Variants in CCR7 observed in about 807,000 individuals in gnomAD.
The protein encoded by CCR7 is C-C motif chemokine receptor 7, also known as C-C chemokine receptor type 7.
In CCR7, 11 loss-of-function variants were observed where a neutral mutation model predicts 26.0. That is an observed-to-expected ratio of 0.42 (90% CI 0.27 to 0.70). The LOEUF (loss-of-function observed/expected upper bound fraction) is 0.70. CCR7 is among the 30% of genes least tolerant of loss of function. The pLI, the probability that CCR7 is intolerant of heterozygous loss-of-function variation, is 0.23. For synonymous variants in CCR7, 189 were observed against 202.1 expected (o/e 0.94, Z 0.55); for missense variants, 360 against 504.0 (o/e 0.71, Z 2.74).
Position 40,558,954 on chromosome 17 carries a change from A to C in CCR7, c.11-12T>G. The C allele has an allele frequency of 6.2e-7, 1 of 1,603,570 alleles. No individual in the cohort carries two copies. The highest frequency in any genetic ancestry group is 8.5e-7 in the Non-Finnish European group (1 of 1,175,612). On this transcript the variant is annotated splice_polypyrimidine_tract_variant and intron_variant, in intron 1 of 2. Transcript: ENST00000246657. ...TTTCATTGGTTTCCCTGTAGGAGAC[A>C]AGGCGAGAAAGTTATTGCTTGGCAG...
intron 1 of CCR7, among the ~76,000 whole-genome samples, chr17:40,563,377 C>T (rs2036673711): frequency 6.6e-6 from 1 of 152,174 alleles, no homozygotes; most frequent in Non-Finnish European, 1.5e-5. Flanking sequence ...GCACACATCT[C>T]TCATGGGTTC....
chr17:40,555,141 G>T lies in CCR7; in HGVS notation c.738C>A (p.Ile246=), dbSNP rs754810267. 5.6e-6 allele frequency: 9 copies of T among 1,614,204 alleles called. No homozygotes were observed. In the Admixed American group the frequency reaches 8.3e-5, roughly 15 times the overall value. ...LLAMSFCYLV[I]IRTLLQARNF... Reference sequence around the variant, plus strand: ...TGCGTGCCTGGAGCAGGGTGCGGATGATGACAAGGTAACAGAAGCTCATGG... The same window carrying T: ...TGCGTGCCTGGAGCAGGGTGCGGATTATGACAAGGTAACAGAAGCTCATGG... The change falls in exon 3 of 3, where the codon ATC becomes ATA. Residue 246 remains isoleucine, a synonymous_variant. Transcript: ENST00000246657. This position sits in a 1 kb window ranked among gnomAD's most constrained non-coding sequence, Gnocchi z 5.6.
chr17:40,564,715 G>A lies in CCR7; in HGVS notation c.10+685C>T, dbSNP rs575128083. ...GCTCAGGGGCAGGGGCTGTGCTGAA[G>A]GCCTGGCTATGATTTCTCCAAGCTG... is the stretch of plus-strand genomic sequence containing the variant. On this transcript the variant is annotated intron_variant, in intron 1 of 2. Coordinates refer to ENST00000246657, the MANE Select transcript of CCR7 (RefSeq NM_001838.4). 1.2e-4 allele frequency among the ~76,000 whole-genome samples: 18 copies of A among 152,336 alleles called. No individual in the cohort carries two copies. The South Asian group carries it at 3.5e-3, about 30-fold the overall frequency.
chr17:40,561,082 C>T (rs2036650775), intron 1 of CCR7: 1 of 152,248 alleles, frequency 6.6e-6, no homozygotes, highest in African/African-American at 2.4e-5. Flanking sequence ...CCCGCTCTGA[C>T]TGTCAGGGAG....
intron 1 of CCR7, among the ~76,000 whole-genome samples, chr17:40,565,149 G>A (rs921559273): frequency 5.9e-5 from 9 of 151,904 alleles, no homozygotes; most frequent in African/African-American, 1.5e-4. Context: ...ACATGATCTC[G>A]GCCCCTCCCT....
intron 1 of CCR7, among the ~76,000 whole-genome samples, chr17:40,564,897 C>T (rs143888574): frequency 5.3e-5 from 8 of 152,290 alleles, no homozygotes; most frequent in South Asian, 4.1e-4. Flanking sequence ...AACCCAGTCA[C>T]GTTTCATTTG....
chr17:40,554,751 GA>G lies in CCR7; in HGVS notation c.1127del (p.Phe376SerfsTer11). Reference protein sequence around the residue: ...MSVEAETTTTFSP With the variant: ...MSVEAETTTTXSP Reference sequence around the variant, plus strand: ...CAGGCAGAAGAGTCGCCTATGGGGAGAAGGTGGTGGTGGTCTCGGCCTCCAC... The same window carrying G: ...CAGGCAGAAGAGTCGCCTATGGGGAGAGGTGGTGGTGGTCTCGGCCTCCAC... On this transcript the variant is annotated frameshift_variant, in exon 3 of 3. Coordinates refer to ENST00000246657, the MANE Select transcript of CCR7 (RefSeq NM_001838.4). LOFTEE classifies it high-confidence loss of function. The G allele has an allele frequency of 6.2e-7, 1 of 1,607,658 alleles. No homozygotes were observed. Among genetic ancestry groups the G allele is most frequent in the Non-Finnish European group, 8.5e-7 (1 of 1,176,238 alleles).
At chr17:40,559,022 G>T in intron 1 of CCR7, 80 bp from the exon 2 acceptor site, 3 of 1,194,890 alleles carry the variant, frequency 2.5e-6, no homozygotes, top group South Asian at 2.9e-5. Context: ...AGGGGGAGAC[G>T]CTGTTGGGAA....
At chr17:40,556,055 T>C (rs1452827194) in intron 2 of CCR7, among the ~76,000 whole-genome samples, 4 of 152,086 alleles carry the variant, frequency 2.6e-5, no homozygotes, top group African/African-American at 9.7e-5. Context: ...CACAGCCTTA[T>C]GCCACCACAC....
Position 40,555,528 on chromosome 17 carries a change from G to A in CCR7, c.351C>T (p.Ser117=), listed in dbSNP as rs369179451. The change falls in exon 3 of 3, where the codon AGC becomes AGT. Residue 117 remains serine, a synonymous_variant. Coordinates refer to ENST00000246657, the MANE Select transcript of CCR7 (RefSeq NM_001838.4). The surrounding 1 kb of genome is among the most constrained non-coding windows in gnomAD (Gnocchi z 5.6). ...CACCGAAGACCCAGGACTTGGCCGC[G>A]CTGTAGGCCCAGAAGGGAAGGGTCA... The part of the protein sequence containing the change: ...FLLTLPFWAY[S]AAKSWVFGVH... The A allele has an allele frequency of 1.4e-5, 23 of 1,613,994 alleles. No homozygotes were observed. Among genetic ancestry groups the A allele is most frequent in the African/African-American group, 2.7e-5 (2 of 74,908 alleles).
At chr17:40,565,379 C>G (rs1176270540) in intron 1 of CCR7, 21 bp downstream of exon 1, 1 of 1,609,146 alleles carries the variant, frequency 6.2e-7, no homozygotes, top group Admixed American at 1.7e-5. Flanking sequence ...TGTTCCTTCT[C>G]ACATGAAGAG....
intron 1 of CCR7, 65 bp from the exon 2 acceptor site, chr17:40,559,007 AGTG>A: frequency 7.3e-7 from 1 of 1,364,798 alleles, no homozygotes; most frequent in South Asian, 1.3e-5. Flanking sequence ...TAAAGAAAGC[AGTG>A]GAGGGGGAGA....
At chr17:40,560,513 T>C (rs1489974856) in intron 1 of CCR7, among the ~76,000 whole-genome samples, 2 of 152,178 alleles carry the variant, frequency 1.3e-5, no homozygotes, top group Non-Finnish European at 2.9e-5. Context: ...CCCCGGAAAT[T>C]GTGTAAAGCC....
chr17:40,564,765 T>C (rs2036691614), intron 1 of CCR7, among the ~76,000 whole-genome samples: 1 of 152,196 alleles, frequency 6.6e-6, no homozygotes, highest in Non-Finnish European at 1.5e-5. Flanking sequence ...TCCCATTCCA[T>C]GTTGCCTGCC....
chr17:40,554,404 G>A lies in CCR7; in HGVS notation c.*338C>T, dbSNP rs1287698052. The A allele has an allele frequency of 1.1e-5, 3 of 267,590 alleles. No homozygotes were observed. Among genetic ancestry groups the A allele is most frequent in the Middle Eastern group, 1.2e-3 (1 of 828 alleles). The allele number at this position is 267,590 out of a possible 1,614,324, so 16.6% of individuals were successfully genotyped here. A position where few individuals can be genotyped will look rare whatever the true frequency, so the allele number is the denominator to read the frequency against. The stretch of plus-strand genomic sequence containing the variant: ...AGAGGACTCTTCAGGCCACTCCCAC[G>A]CCCCTTGCACTCACCCTCCTTGGCC... On this transcript the variant is annotated 3_prime_UTR_variant, in exon 3 of 3. Coordinates refer to ENST00000246657, the MANE Select transcript of CCR7 (RefSeq NM_001838.4).
At chr17:40,560,737 G>C (rs1043756018) in intron 1 of CCR7, 1 of 152,234 alleles carries the variant, frequency 6.6e-6, no homozygotes, top group South Asian at 2.1e-4. Context: ...CCTGATGCTT[G>C]GCCTGGCAGT....
At chr17:40,558,342 GCTCATCCACCC>G (rs2036614917) in intron 2 of CCR7, among the ~76,000 whole-genome samples, 1 of 152,110 alleles carries the variant, frequency 6.6e-6, no homozygotes, top group Admixed American at 6.5e-5. Flanking sequence ...TAAAGTGTGT[GCTCATCCACCC>G]CTCTCCCCAT....
intron 2 of CCR7, among the ~76,000 whole-genome samples, chr17:40,557,048 G>A (rs890238300): frequency 2.6e-5 from 4 of 152,292 alleles, no homozygotes; most frequent in South Asian, 2.1e-4. Flanking sequence ...GGAAGGAAGC[G>A]CAGCTCTCAT....
chr17:40,565,031 C>T (rs1338368523), intron 1 of CCR7, among the ~76,000 whole-genome samples: 1 of 152,042 alleles, frequency 6.6e-6, no homozygotes, highest in Non-Finnish European at 1.5e-5. Context: ...AAACCTGTCC[C>T]CAGAGGTCCC....
Sources: allele counts gnomAD v4.1 joint callset (sites outside exome capture counted in the v4.1 genomes callset), GRCh38; gene constraint gnomAD v4.1.1; non-coding constraint Gnocchi (gnomAD v3.1); transcripts MANE v1.5; gene names NCBI Gene and HGNC (gene_info 2026-07-23, HGNC 2026-07-21).